TECTA: variants seen among roughly 807,000 people sequenced by gnomAD.
TECTA encodes tectorin alpha, also known as alpha-tectorin.
TECTA carries 128 observed loss-of-function variants against 216.8 expected under a neutral mutation model. The observed-to-expected ratio is 0.59, with a 90% CI of 0.51 to 0.68. TECTA has a LOEUF of 0.68. TECTA is among the 30% of genes least tolerant of loss of function. The pLI, the probability that TECTA is intolerant of heterozygous loss-of-function variation, is 0.00. For missense variants in TECTA, 2,551 were observed against 2,786.2 expected (o/e 0.92, Z 1.90); for synonymous variants, 1,089 against 1,117.1 (o/e 0.97, Z 0.50).
intron 21 of TECTA, among the ~76,000 whole-genome samples, chr11:121,188,749 A>G (rs1199823446): frequency 2.0e-5 from 3 of 152,272 alleles, no homozygotes; most frequent in Non-Finnish European, 1.5e-5. Flanking sequence ...ATGATACTGC[A>G]TACATTAGTG....
At chr11:121,124,568 A>G (rs1455502910) in intron 7 of TECTA, among the ~76,000 whole-genome samples, 3 of 152,128 alleles carry the variant, frequency 2.0e-5, no homozygotes, top group African/African-American at 7.2e-5. Flanking sequence ...TTTATCCTCT[A>G]TTGACTCACA....
Position 121,113,113 on chromosome 11 carries a change from T to C in TECTA, c.528T>C (p.Tyr176=), listed in dbSNP as rs747324937. ...CCGTCCTAGTGTCCGATGGCTCCTA[T>C]ACATTCACCCTCTTCAATTATTACG... ...FQAVLVSDGS[Y]TFTLFNYYEI... is the part of the protein sequence containing the mutation. The change falls in exon 5 of 24, where the codon TAT becomes TAC. Residue 176 remains tyrosine, a synonymous_variant. Transcript: ENST00000392793. The surrounding 1 kb of genome is among the most constrained non-coding windows in gnomAD (Gnocchi z 4.2). The C allele has an allele frequency of 2.5e-6, 4 of 1,614,118 alleles. No individual in the cohort carries two copies. Among genetic ancestry groups the C allele is most frequent in the Admixed American group, 1.7e-5 (1 of 60,026 alleles).
At chr11:121,174,848 G>A (rs1947148804) in intron 20 of TECTA, among the ~76,000 whole-genome samples, 1 of 152,102 alleles carries the variant, frequency 6.6e-6, no homozygotes, top group Non-Finnish European at 1.5e-5. Flanking sequence ...GTAAGCTATT[G>A]ATTATTTCCA....
chr11:121,110,621 G>A (rs974046461), intron 4 of TECTA: 3 of 152,172 alleles, frequency 2.0e-5, no homozygotes, highest in Admixed American at 2.0e-4. Flanking sequence ...GTTATAGATC[G>A]CTAACGACTC....
intron 11 of TECTA, among the ~76,000 whole-genome samples, chr11:121,142,864 G>A (rs954685026): frequency 6.6e-6 from 1 of 151,988 alleles, no homozygotes; most frequent in Non-Finnish European, 1.5e-5. Flanking sequence ...CTGGAATCTT[G>A]GCCCTCTGTC....
chr11:121,152,849 G>A (rs776032526), intron 12 of TECTA, 32 bp from the exon 13 acceptor site: 4 of 1,577,296 alleles, frequency 2.5e-6, no homozygotes, highest in African/African-American at 1.3e-5. Context: ...CCTTGTGATC[G>A]TGCGAGTCTT....
Position 121,127,711 on chromosome 11 carries a change from CATT to C in TECTA, c.1775-40_1775-38del. The C allele has an allele frequency of 6.2e-7, 1 of 1,609,088 alleles. No individual in the cohort carries two copies. The highest frequency in any genetic ancestry group is 1.1e-5 in the South Asian group (1 of 91,004). Reference sequence around the variant, plus strand: ...TTCTGGCGGGTTAGCACTCCGGGTCCATTCACCTTGTTATCGGCTCTCTTCCTT... The same window carrying C: ...TTCTGGCGGGTTAGCACTCCGGGTCCCACCTTGTTATCGGCTCTCTTCCTT... On this transcript the variant is annotated intron_variant, in intron 8 of 23. Coordinates refer to ENST00000392793, the MANE Select transcript of TECTA (RefSeq NM_005422.4). This position sits in a 1 kb window ranked among gnomAD's most constrained non-coding sequence, Gnocchi z 5.0.
chr11:121,112,602 G>T (rs1946451772), intron 4 of TECTA, among the ~76,000 whole-genome samples: 1 of 152,172 alleles, frequency 6.6e-6, no homozygotes, highest in African/African-American at 2.4e-5. Context: ...TGTTTTCCGG[G>T]AAGAGAGAGA....
intron 20 of TECTA, among the ~76,000 whole-genome samples, chr11:121,179,516 G>C (rs1303465208): frequency 6.6e-6 from 1 of 152,070 alleles, no homozygotes; most frequent in Non-Finnish European, 1.5e-5. Flanking sequence ...TGCAGCTGTT[G>C]GGTAAAATAT....
rs185094150 is a variant in TECTA at position 121,178,008 on chromosome 11, C to T, written c.5999+9083C>T. Among the ~76,000 whole-genome samples, 76 of 152,290 alleles carry T rather than the reference C, an allele frequency of 5.0e-4. No individual in the cohort carries two copies. The East Asian group carries it at 7.7e-3, about 15-fold the overall frequency. ...AGGTGTGGGATATAATCTCCTGATG[C>T]GCTGTTTTTTAAGCCCGTCGGAAAA... is the stretch of plus-strand genomic sequence containing the variant. On this transcript the variant is annotated intron_variant, in intron 20 of 23. Coordinates refer to ENST00000392793, the MANE Select transcript of TECTA (RefSeq NM_005422.4).
chr11:121,148,554 T>A (rs1006296113), intron 12 of TECTA, among the ~76,000 whole-genome samples: 1 of 152,030 alleles, frequency 6.6e-6, no homozygotes, highest in Non-Finnish European at 1.5e-5. Context: ...GAGAATAGGG[T>A]TGTTTGTAAC....
At chr11:121,177,562 G>A (rs995274129) in intron 20 of TECTA, among the ~76,000 whole-genome samples, 184 of 152,306 alleles carry the variant, frequency 1.2e-3, no homozygotes, top group African/African-American at 4.3e-3. Context: ...GTACCCGGCC[G>A]TGTGAGGTGT....
At position 121,137,691 on chromosome 11, in the gene TECTA, A is replaced by T; in HGVS notation, c.3212A>T (p.His1071Leu). Reference sequence around the variant, plus strand: ...TGCAGTGGCACAGACAACAGGGTCCACTGCGAGACCATTCCCTGCAAGGAT... The same window carrying T: ...TGCAGTGGCACAGACAACAGGGTCCTCTGCGAGACCATTCCCTGCAAGGAT... ...CYCSGTDNRV[H>L]CETIPCKDDE... The change falls in exon 11 of 24, where the codon CAC (histidine) becomes CTC (leucine). Residue 1071 changes from histidine to leucine, a missense_variant. Physicochemically the swap from His to Leu is moderately conservative, Grantham distance 99 (BLOSUM62 -3). Coordinates refer to ENST00000392793, the MANE Select transcript of TECTA (RefSeq NM_005422.4). The T allele has an allele frequency of 3.7e-6, 6 of 1,614,106 alleles. No homozygotes were observed. Among genetic ancestry groups the T allele is most frequent in the Non-Finnish European group, 5.1e-6 (6 of 1,180,020 alleles).
Position 121,113,066 on chromosome 11 carries a change from C to G in TECTA, c.487-6C>G. On this transcript the variant is annotated splice_region_variant and splice_polypyrimidine_tract_variant and intron_variant, in intron 4 of 23. Transcript: ENST00000392793. This position sits in a 1 kb window ranked among gnomAD's most constrained non-coding sequence, Gnocchi z 4.2. ...AGTCATGAGACTGCGCATTCCCATC[C>G]TGTAGGTGAACACCTTCCAGGCCGT... 1 of 1,614,114 alleles carries G rather than the reference C, an allele frequency of 6.2e-7. No homozygotes were observed. The highest frequency in any genetic ancestry group is 8.5e-7 in the Non-Finnish European group (1 of 1,180,010).
chr11:121,168,985 A>AT (rs1947084767), intron 20 of TECTA, 60 bp downstream of exon 20: 2 of 1,612,612 alleles, frequency 1.2e-6, no homozygotes, highest in Non-Finnish European at 1.7e-6. Flanking sequence ...TGTCCTCATC[A>AT]TTTTTTAAGG....
intron 20 of TECTA, among the ~76,000 whole-genome samples, chr11:121,172,509 G>T (rs1378744507): frequency 6.6e-6 from 1 of 152,140 alleles, no homozygotes; most frequent in Non-Finnish European, 1.5e-5. Flanking sequence ...CCCTACAAAG[G>T]ACATGAACTC....
intron 4 of TECTA, among the ~76,000 whole-genome samples, chr11:121,111,016 TATAGAAACACATATGATCAGGCCAGCTAA>T (rs1256397975): frequency 1.3e-5 from 2 of 152,156 alleles, no homozygotes; most frequent in African/African-American, 4.8e-5. Flanking sequence ...TCCCCTTCTG[TATAGAAACACATATGATCAGGCCAGCTAA>T]ACACTGGGCT....
intron 8 of TECTA, among the ~76,000 whole-genome samples, chr11:121,126,120 G>A (rs1946609818): frequency 6.6e-6 from 1 of 152,236 alleles, no homozygotes; most frequent in Non-Finnish European, 1.5e-5. Context: ...GGCATGGCAG[G>A]AAGTCCCACA....
Position 121,105,688 on chromosome 11 carries a change from T to G in TECTA, c.65-143T>G. ...ATACTGCGCTGTGTATGGCCTAGGT[T>G]TAGGATGAATGACAGGGCAGTATGA... On this transcript the variant is annotated intron_variant, in intron 2 of 23. Transcript: ENST00000392793. This position sits in a 1 kb window ranked among gnomAD's most constrained non-coding sequence, Gnocchi z 5.3. 1 of 1,056,500 alleles carries G rather than the reference T, an allele frequency of 9.5e-7. No individual in the cohort carries two copies. Among genetic ancestry groups the G allele is most frequent in the Non-Finnish European group, 1.4e-6 (1 of 708,300 alleles). The allele number at this position is 1,056,500 out of a possible 1,614,324, so 65.4% of individuals were successfully genotyped here. A position where few individuals can be genotyped will look rare whatever the true frequency, so the allele number is the denominator to read the frequency against.
Sources: allele counts gnomAD v4.1 joint callset (sites outside exome capture counted in the v4.1 genomes callset), GRCh38; gene constraint gnomAD v4.1.1; non-coding constraint Gnocchi (gnomAD v3.1); transcripts MANE v1.5; gene names NCBI Gene and HGNC (gene_info 2026-07-23, HGNC 2026-07-21).